LAMC1: variants seen among roughly 807,000 people sequenced by gnomAD.
LAMC1 encodes the protein laminin subunit gamma 1.
A neutral mutation model predicts 173.6 loss-of-function variants in LAMC1; 38 were observed. The ratio of observed to expected loss-of-function variants is 0.22; its 90% CI spans 0.17 to 0.29. The LOEUF is 0.29. Among genes scored for constraint, LAMC1 ranks in the 10% least tolerant of loss-of-function variants. The pLI is 1.00. For missense variants in LAMC1, 1,824 were observed against 2,051.8 expected (o/e 0.89, Z 2.14); for synonymous variants, 746 against 749.1 (o/e 1.00, Z 0.07).
At chr1:183,131,421 G>C (rs562657370) in intron 20 of LAMC1, 43 bp downstream of exon 20, 1 of 1,228,720 alleles carries the variant, frequency 8.1e-7, no homozygotes, top group African/African-American at 1.7e-5. Context: ...TGTGGCTTCT[G>C]TTATGGGGTG....
At chr1:183,072,701 C>T (rs1023824655) in intron 1 of LAMC1, among the ~76,000 whole-genome samples, 2 of 152,188 alleles carry the variant, frequency 1.3e-5, no homozygotes, top group Admixed American at 1.3e-4. Context: ...GGCAAGCGAG[C>T]GAAGCTTTAT....
intron 1 of LAMC1, among the ~76,000 whole-genome samples, chr1:183,077,405 C>T (rs1655143152): frequency 1.3e-5 from 2 of 151,970 alleles, no homozygotes; most frequent in East Asian, 1.9e-4. Flanking sequence ...AGCTCTTTTT[C>T]CAAACAAATT....
In LAMC1 at chr1:183,118,702, G is replaced by A. The variant is rs1177913717; in HGVS notation, c.1990+556G>A. On this transcript the variant is annotated intron_variant, in intron 11 of 27. Transcript: ENST00000258341. The stretch of plus-strand genomic sequence containing the variant: ...CATGCCACTGCATTCCAGCCTGGGC[G>A]ACAGAATGAGAATCTGTCTCAGAAA... Among the ~76,000 whole-genome samples, 5 of 149,908 alleles carry A rather than the reference G, an allele frequency of 3.3e-5. No individual in the cohort carries two copies. In the East Asian group the frequency reaches 9.8e-4, roughly 29 times the overall value.
Position 183,143,888 on chromosome 1 carries a change from G to A in LAMC1, c.*1098G>A, listed in dbSNP as rs530158179. On this transcript the variant is annotated 3_prime_UTR_variant, in exon 28 of 28. Transcript: ENST00000258341. ...CCCTTAGCTCCAGTTTTCTTCTGATGTTTCCATCTTCCAGAATCCCTCAAA... is the reference window on the plus strand; with the variant it reads ...CCCTTAGCTCCAGTTTTCTTCTGATATTTCCATCTTCCAGAATCCCTCAAA... 1.3e-5 allele frequency: 2 copies of A among 152,256 alleles called. No individual in the cohort carries two copies. Among genetic ancestry groups the A allele is most frequent in the African/African-American group, 4.8e-5 (2 of 41,564 alleles). 9.4% of individuals were successfully genotyped at this position (152,256 alleles called of 1,614,324 possible). A position where few individuals can be genotyped will look rare whatever the true frequency, so the allele number is the denominator to read the frequency against.
chr1:183,085,543 T>C (rs1558043199), intron 1 of LAMC1, among the ~76,000 whole-genome samples: 1 of 151,926 alleles, frequency 6.6e-6, no homozygotes, highest in Non-Finnish European at 1.5e-5. Flanking sequence ...TTGTGTTTTT[T>C]TTTTCTGTAG....
At chr1:183,104,143 C>T (rs920122006) in intron 2 of LAMC1, among the ~76,000 whole-genome samples, 4 of 152,118 alleles carry the variant, frequency 2.6e-5, no homozygotes, top group East Asian at 1.9e-4. Flanking sequence ...TTGTCTGGCA[C>T]GATTGCTGAT....
chr1:183,129,482 A>G (rs1418931902), intron 18 of LAMC1, among the ~76,000 whole-genome samples: 1 of 152,074 alleles, frequency 6.6e-6, no homozygotes, highest in Non-Finnish European at 1.5e-5. Flanking sequence ...ACCTCTGCAC[A>G]TACATTTGGT....
chr1:183,091,424 C>G (rs917982779), intron 1 of LAMC1, among the ~76,000 whole-genome samples: 6 of 152,042 alleles, frequency 3.9e-5, no homozygotes, highest in African/African-American at 1.4e-4. Flanking sequence ...GATCTTCCAG[C>G]TGTGGTTTGC....
intron 1 of LAMC1, among the ~76,000 whole-genome samples, chr1:183,065,092 A>G (rs1241079961): frequency 6.6e-6 from 1 of 152,168 alleles, no homozygotes; most frequent in African/African-American, 2.4e-5. Flanking sequence ...ACAGTGTTGA[A>G]TGAAACAATG....
intron 1 of LAMC1, among the ~76,000 whole-genome samples, chr1:183,047,712 G>C (rs550748856): frequency 6.6e-6 from 1 of 152,270 alleles, no homozygotes; most frequent in South Asian, 2.1e-4. Flanking sequence ...TGGACAGGAG[G>C]GGATTGTGGG....
intron 1 of LAMC1, among the ~76,000 whole-genome samples, chr1:183,076,007 T>C (rs376495643): frequency 2.6e-5 from 4 of 152,356 alleles, no homozygotes; most frequent in Admixed American, 1.3e-4. Flanking sequence ...CTGGGACATA[T>C]GAAATCAGTA....
At chr1:183,069,566 C>G (rs12408149) in intron 1 of LAMC1, among the ~76,000 whole-genome samples, 15 of 152,180 alleles carry the variant, frequency 9.9e-5, no homozygotes, top group Admixed American at 8.5e-4. Context: ...AAACAGAAAG[C>G]CTGAAGAGAG....
Position 183,130,551 on chromosome 1 carries a change from TA to T in LAMC1, c.3486+4del. 6.2e-7 allele frequency: 1 copy of T among 1,613,528 alleles called. No individual in the cohort carries two copies. Among genetic ancestry groups the T allele is most frequent in the Non-Finnish European group, 8.5e-7 (1 of 1,179,450 alleles). On this transcript the variant is annotated splice_donor_region_variant and intron_variant, in intron 19 of 27. Coordinates refer to ENST00000258341, the MANE Select transcript of LAMC1 (RefSeq NM_002293.4). ...GCAAAAGTCGCTGCTGCCAATGTGG[TA>T]AGTGATTGCAAACGTCTGAGGTGGG...
chr1:183,120,627 A>G (rs1382493653), intron 11 of LAMC1, among the ~76,000 whole-genome samples: 3 of 152,220 alleles, frequency 2.0e-5, no homozygotes, highest in African/African-American at 7.2e-5. Context: ...GATGTTACTG[A>G]GGCCTATACC....
chr1:183,134,300 G>T (rs1656877556), intron 22 of LAMC1, among the ~76,000 whole-genome samples: 1 of 152,166 alleles, frequency 6.6e-6, no homozygotes, highest in African/African-American at 2.4e-5. Flanking sequence ...AAAATAGGCA[G>T]AATTAGTCTA....
At chr1:183,139,145 A>G (rs553698316) in intron 26 of LAMC1, among the ~76,000 whole-genome samples, 125 of 152,334 alleles carry the variant, frequency 8.2e-4, no homozygotes, top group African/African-American at 2.9e-3. Context: ...GATTTAAAGC[A>G]TATTGAAAAA....
chr1:183,081,690 T>G (rs760608606), intron 1 of LAMC1, among the ~76,000 whole-genome samples: 1 of 152,194 alleles, frequency 6.6e-6, no homozygotes, highest in Non-Finnish European at 1.5e-5. Flanking sequence ...ACCACACACA[T>G]AGCCTCTGCA....
chr1:183,137,507 T>C (rs1656978694), intron 25 of LAMC1, among the ~76,000 whole-genome samples, 162 bp from the exon 26 acceptor site: 1 of 152,188 alleles, frequency 6.6e-6, no homozygotes, highest in Non-Finnish European at 1.5e-5. Flanking sequence ...TGATTATTTA[T>C]AACCCAAATT....
intron 17 of LAMC1, among the ~76,000 whole-genome samples, chr1:183,127,745 A>G (rs7529465): frequency 0.52 from 78,695 of 151,870 alleles, 21,077 homozygotes; most frequent in South Asian, 0.65. Flanking sequence ...GGAACCTGGT[A>G]TACAGAGGCC....
Sources: gnomAD v4.1 joint callset for allele counts (sites outside exome capture counted in the v4.1 genomes callset) on GRCh38, gnomAD v4.1.1 for gene constraint, MANE v1.5 for transcripts, NCBI Gene and HGNC (gene_info 2026-07-23, HGNC 2026-07-21) for gene names.